FHL1: variants seen among roughly 807,000 people sequenced by gnomAD.
FHL1 encodes the protein four and a half LIM domains 1.
A neutral mutation model predicts 20.3 loss-of-function variants in FHL1; 1 was observed. That is an observed-to-expected ratio of 0.05 (90% CI 0.02 to 0.23). The LOEUF (loss-of-function observed/expected upper bound fraction) is 0.23, where lower values mean the gene tolerates loss of function less well. Ranked by LOEUF, FHL1 falls within the 10% of genes least tolerant of loss-of-function variation. FHL1 has a pLI of 1.00. For missense variants in FHL1, 177 were observed against 234.0 expected (o/e 0.76, Z 1.59); for synonymous variants, 82 against 88.9 (o/e 0.92, Z 0.44).
intron 1 of FHL1, among the ~76,000 whole-genome samples, chrX:136,162,360 C>T (rs971017491): frequency 1.8e-5 from 2 of 111,077 alleles, no homozygotes; most frequent in African/African-American, 6.6e-5. Context: ...GGCAAATGAA[C>T]GAGATCATCT....
intron 1 of FHL1, among the ~76,000 whole-genome samples, chrX:136,152,900 A>G (rs758579794): frequency 2.1e-4 from 23 of 110,477 alleles, no homozygotes; most frequent in Non-Finnish European, 3.8e-5. Context: ...CATTTTGTCA[A>G]ACTTCATTTT....
chrX:136,195,580 G>A (rs1447854790), upstream of FHL1, among the ~76,000 whole-genome samples: 3 of 112,107 alleles, frequency 2.7e-5, no homozygotes, highest in Non-Finnish European at 5.6e-5. Context: ...AAATTTACTC[G>A]TAACAACCTG....
chrX:136,151,528 A>G (rs1019544119), intron 1 of FHL1, among the ~76,000 whole-genome samples: 5 of 111,825 alleles, frequency 4.5e-5, no homozygotes, highest in Non-Finnish European at 9.4e-5. Context: ...TCTGGCCAAC[A>G]TGGCAAAATC....
intron 1 of FHL1, among the ~76,000 whole-genome samples, chrX:136,161,556 T>G (rs1218108340): frequency 9.0e-6 from 1 of 111,520 alleles, no homozygotes; most frequent in Non-Finnish European, 1.9e-5. Context: ...CCCCCTAAAT[T>G]TTCCTTATGT....
At chrX:136,174,289 G>A (rs183836801) in intron 2 of FHL1, among the ~76,000 whole-genome samples, 109 of 111,886 alleles carry the variant, frequency 9.7e-4, no homozygotes, top group Middle Eastern at 4.6e-3. Flanking sequence ...TCAGAGGAAG[G>A]TTACTTTCTG....
chrX:136,150,664 C>T (rs902689371), intron 1 of FHL1, among the ~76,000 whole-genome samples: 8 of 111,910 alleles, frequency 7.1e-5, no homozygotes, highest in African/African-American at 2.6e-4. Context: ...TATGACTTTT[C>T]GTTTATTCAA....
Position 136,210,147 on chromosome X carries a change from G to A in FHL1, c.*122G>A, listed in dbSNP as rs765732487. Reference sequence around the variant, plus strand: ...TTCCCTTCTTTAAAGTTCTCCTTCCGTCTTTTCTCCCATTTTACAGTATTA... The same window carrying A: ...TTCCCTTCTTTAAAGTTCTCCTTCCATCTTTTCTCCCATTTTACAGTATTA... On this transcript the variant is annotated 3_prime_UTR_variant, in exon 6 of 6. Transcript: ENST00000370683. The A allele has an allele frequency of 1.5e-5, 15 of 1,019,521 alleles. No individual in the cohort carries two copies. The African/African-American group carries it at 1.7e-4, about 12-fold the overall frequency. The allele number at this position is 1,019,521 out of a possible 1,213,427, so 84.0% of individuals were successfully genotyped here.
intron 1 of FHL1, among the ~76,000 whole-genome samples, chrX:136,161,894 A>G (rs1464008070): frequency 1.8e-5 from 2 of 111,050 alleles, no homozygotes; most frequent in African/African-American, 6.5e-5. Flanking sequence ...AGGCCGAGGC[A>G]GGCGGATCAC....
chrX:136,173,103 C>T (rs1363360541), intron 2 of FHL1, among the ~76,000 whole-genome samples: 1 of 112,509 alleles, frequency 8.9e-6, no homozygotes, highest in Non-Finnish European at 1.9e-5. Flanking sequence ...CTTTATTATT[C>T]AGAAACTTAG....
upstream of FHL1, among the ~76,000 whole-genome samples, chrX:136,165,474 G>A (rs2072687098): frequency 8.9e-6 from 1 of 111,900 alleles, no homozygotes; most frequent in African/African-American, 3.2e-5. Flanking sequence ...TGAGGTAAAT[G>A]AGAAGTCTGT....
chrX:136,153,466 T>G lies in FHL1; in HGVS notation c.-101+5838T>G, dbSNP rs141164011. On this transcript the variant is annotated intron_variant, in intron 1 of 7. Coordinates refer to the FHL1 transcript ENST00000394155. ...CTGATTATAATAATAATGTCCTGATTCTACTACAGCAATCAGCCACTTGAG... is the reference window on the plus strand; with the variant it reads ...CTGATTATAATAATAATGTCCTGATGCTACTACAGCAATCAGCCACTTGAG... Among the ~76,000 whole-genome samples, 605 of 111,888 alleles carry G rather than the reference T, an allele frequency of 5.4e-3. 4 individuals carry two copies. The highest frequency in any genetic ancestry group is 0.019 in the African/African-American group (579 of 30,823).
At chrX:136,153,194 G>A (rs956940110) in intron 1 of FHL1, among the ~76,000 whole-genome samples, 3 of 107,608 alleles carry the variant, frequency 2.8e-5, no homozygotes, top group Admixed American at 1.0e-4. Context: ...AAGTTTTAAC[G>A]TGTTTTGTTT....
Position 136,186,866 on chromosome X carries a change from ATATAT to A in FHL1, c.-27+16887_-27+16891del, listed in dbSNP as rs1488728117. On this transcript the variant is annotated intron_variant, in intron 2 of 6. Transcript: ENST00000394153. Reference sequence around the variant, plus strand: ...GAGACTCCATCTCAAAAAAAAAAAAATATATATATATATATAGATAGATAGATAGA... The same window carrying A: ...GAGACTCCATCTCAAAAAAAAAAAAAATATATATATAGATAGATAGATAGA... Among the ~76,000 whole-genome samples, 36 of 70,234 alleles carry A rather than the reference ATATAT, an allele frequency of 5.1e-4. 2 individuals are homozygous for A. The East Asian group carries it at 7.7e-3, about 15-fold the overall frequency. 61.0% of individuals were successfully genotyped at this position (70,234 alleles called of 115,157 possible). A position where few individuals can be genotyped will look rare whatever the true frequency, so the allele number is the denominator to read the frequency against.
At chrX:136,183,930 A>G (rs5975692) in intron 2 of FHL1, among the ~76,000 whole-genome samples, 48,869 of 110,307 alleles carry the variant, frequency 0.44, 7,863 homozygotes, top group Non-Finnish European at 0.46. Context: ...TCATGAAAAC[A>G]ATACCTGGTT....
rs1375626445 is a variant in FHL1 at position 136,211,092 on chromosome X, C to T, written c.*1067C>T. 2.7e-6 allele frequency: 1 copy of T among 376,109 alleles called. No individual in the cohort carries two copies. 31.0% of individuals were successfully genotyped at this position (376,109 alleles called of 1,213,427 possible). On this transcript the variant is annotated 3_prime_UTR_variant, in exon 6 of 6. Coordinates refer to ENST00000370683, the MANE Select transcript of FHL1 (RefSeq NM_001159699.2). ...TGCAAAGTCCCTTCTGTTGTGATTCCTAGGACTTTTCCTCAAGAGGAAATC... is the reference window on the plus strand; with the variant it reads ...TGCAAAGTCCCTTCTGTTGTGATTCTTAGGACTTTTCCTCAAGAGGAAATC...
chrX:136,173,633 A>G (rs994536258), intron 2 of FHL1, among the ~76,000 whole-genome samples: 1 of 111,154 alleles, frequency 9.0e-6, no homozygotes, highest in Admixed American at 9.5e-5. Flanking sequence ...AGATCTGGCA[A>G]TATTGAGCCC....
chrX:136,183,103 A>C (rs182316726), intron 2 of FHL1, among the ~76,000 whole-genome samples: 49 of 101,170 alleles, frequency 4.8e-4, no homozygotes, highest in Non-Finnish European at 7.9e-4. Flanking sequence ...TCAAAAAAAA[A>C]AAAAACAAAA....
At chrX:136,178,757 CTTT>C (rs3085392) in intron 2 of FHL1, among the ~76,000 whole-genome samples, 70 of 97,375 alleles carry the variant, frequency 7.2e-4, no homozygotes, top group Non-Finnish European at 6.9e-4. Context: ...TTTTTCTATT[CTTT>C]TTTTTTTTTT....
intron 5 of FHL1, chrX:136,209,153 G>A (rs1022356084): frequency 3.1e-5 from 28 of 898,051 alleles, no homozygotes; most frequent in Non-Finnish European, 4.0e-5. Context: ...CGCGATCCAC[G>A]TGCCCTGGGC....
Sources: gnomAD v4.1 joint callset for allele counts (sites outside exome capture counted in the v4.1 genomes callset) on GRCh38, gnomAD v4.1.1 for gene constraint, MANE v1.5 for transcripts, NCBI Gene and HGNC (gene_info 2026-07-23, HGNC 2026-07-21) for gene names.